Variants in EEF1D observed in about 807,000 individuals in gnomAD.
EEF1D encodes the protein elongation factor 1-delta.
In EEF1D, 47 loss-of-function variants were observed where a neutral mutation model predicts 63.9. The ratio of observed to expected loss-of-function variants is 0.74; its 90% CI spans 0.58 to 0.94. The LOEUF (loss-of-function observed/expected upper bound fraction) is 0.94, where lower values mean the gene tolerates loss of function less well. EEF1D is among the 40% of genes least tolerant of loss of function. The pLI is 0.00. For synonymous variants in EEF1D, 412 were observed against 386.1 expected (o/e 1.07, Z -0.79); for missense variants, 907 against 899.0 (o/e 1.01, Z -0.11).
At chr8:143,588,260 C>T (rs1587175669) in intron 3 of EEF1D, among the ~76,000 whole-genome samples, 1 of 152,308 alleles carries the variant, frequency 6.6e-6, no homozygotes, top group East Asian at 1.9e-4. Flanking sequence ...TTCCCTGACT[C>T]AGCCCGCCCC....
rs746942057 is a variant in EEF1D, at chr8:143,586,789, G to A, written c.1155C>T (p.Asp385=). Residue 385 remains aspartate, a synonymous_variant, in exon 4 of 10, where the codon GAC becomes GAT. Coordinates refer to ENST00000618139, the MANE Select transcript of EEF1D (RefSeq NM_001130053.5). ...EKIWFDKFKY[D]DAERRFYEQM... ...GCTCGTAGAATCTCCTTTCTGCGTC[G>A]TCATATTTGAACTTGTCGAACCAGA... 2.6e-5 allele frequency: 42 copies of A among 1,614,024 alleles called. No homozygotes were observed. The highest frequency in any genetic ancestry group is 5.5e-5 in the South Asian group (5 of 91,090).
Position 143,588,980 on chromosome 8 carries a change from G to T in EEF1D, c.1091+11C>A. The T allele has an allele frequency of 6.3e-7, 1 of 1,592,410 alleles. No homozygotes were observed. Among genetic ancestry groups the T allele is most frequent in the Non-Finnish European group, 8.5e-7 (1 of 1,177,884 alleles). On this transcript the variant is annotated intron_variant, in intron 3 of 9. Coordinates refer to ENST00000618139, the MANE Select transcript of EEF1D (RefSeq NM_001130053.5). ...CCCAGGCTGGGTGCCCACCCAGCAC[G>T]TTTCTCCTACTTGGGTCTCAGGCTG...
Position 143,584,848 on chromosome 8 carries a change from G to C in EEF1D, c.1287+1371C>G, listed in dbSNP as rs573601750. Among the ~76,000 whole-genome samples the C allele has an allele frequency of 3.9e-5, 6 of 152,300 alleles. No individual in the cohort carries two copies. In the South Asian group the frequency reaches 1.2e-3, roughly 32 times the overall value. ...TGGACTGTGAAACTGCCTGGGACTA[G>C]TGACGCCCTGTTTCCTTCTTCTTTT... is the stretch of plus-strand genomic sequence containing the variant. On this transcript the variant is annotated intron_variant, in intron 5 of 9. Coordinates refer to ENST00000618139, the MANE Select transcript of EEF1D (RefSeq NM_001130053.5).
At chr8:143,583,399 T>C (rs11136303) in intron 5 of EEF1D, 123,588 of 152,244 alleles carry the variant, frequency 0.81, 51,528 homozygotes, top group Non-Finnish European at 0.92. Flanking sequence ...TAGGGTTGAC[T>C]CCACACAGCC....
Position 143,580,081 on chromosome 8 carries a change from C to T in EEF1D, c.1836G>A (p.Gln612=). ...VGYGIRKLQI[Q]CVVEDDKVGT... is the part of the protein sequence containing the mutation. ...CCACCTTGTCGTCCTCCACCACACA[C>T]TGAATCTGTAGCTTCCGGATACCGT... Residue 612 remains glutamine (Q), a synonymous_variant, in exon 9 of 10, where the codon CAG becomes CAA. Coordinates refer to ENST00000618139, the MANE Select transcript of EEF1D (RefSeq NM_001130053.5). The T allele has an allele frequency of 2.5e-6, 4 of 1,614,092 alleles. No individual in the cohort carries two copies. In the African/African-American group the frequency reaches 5.3e-5, roughly 22 times the overall value.
Position 143,585,292 on chromosome 8 carries a change from G to A in EEF1D, c.1287+927C>T, listed in dbSNP as rs554966766. 4.6e-5 allele frequency among the ~76,000 whole-genome samples: 7 copies of A among 152,308 alleles called. No homozygotes were observed. The South Asian group carries it at 1.4e-3, about 32-fold the overall frequency. On this transcript the variant is annotated intron_variant, in intron 5 of 9. Transcript: ENST00000618139. ...AGAGCGAGGCAGGAGGTTCGAGAGA[G>A]GCGCGAGATGGAAGTGGAGGCGGGG...
At chr8:143,590,235 A>T in intron 2 of EEF1D, 154 bp from the exon 3 acceptor site, 1 of 1,147,962 alleles carries the variant, frequency 8.7e-7, no homozygotes. Flanking sequence ...CTTCCATGAG[A>T]TGACATTCGA....
chr8:143,580,385 C>G (rs1825202579), intron 8 of EEF1D, 121 bp downstream of exon 8: 2 of 1,334,368 alleles, frequency 1.5e-6, no homozygotes, highest in Non-Finnish European at 2.1e-6. Flanking sequence ...CCCAAGACTT[C>G]TAAACTCGGC....
chr8:143,586,411 A>T, intron 4 of EEF1D, 121 bp from the exon 5 acceptor site: 1 of 1,006,026 alleles, frequency 9.9e-7, no homozygotes, highest in East Asian at 2.7e-5. Context: ...ACTGCACAGA[A>T]CGAGAGCTTG....
At chr8:143,586,327 T>C (rs1310786040) in intron 4 of EEF1D, 37 bp from the exon 5 acceptor site, 3 of 1,473,012 alleles carry the variant, frequency 2.0e-6, no homozygotes, top group Admixed American at 2.6e-5. Flanking sequence ...CTTTTTTTTA[T>C]TATTAAAAAA....
At chr8:143,580,276 C>T (rs1328617246) in intron 8 of EEF1D, 70 bp from the exon 9 acceptor site, 11 of 1,492,852 alleles carry the variant, frequency 7.4e-6, no homozygotes, top group African/African-American at 1.4e-5. Context: ...CTGCATGCAC[C>T]CTACCCTCAA....
At chr8:143,590,121 T>C (rs1827680886) in intron 2 of EEF1D, 40 bp from the exon 3 acceptor site, 3 of 1,597,970 alleles carry the variant, frequency 1.9e-6, no homozygotes, top group African/African-American at 1.3e-5. Context: ...GAGGGCAGAG[T>C]TGCAACACAG....
At position 143,590,498 on chromosome 8, in the gene EEF1D, C is replaced by T. The variant is rs1827768338; in HGVS notation, c.1-417G>A. The T allele has an allele frequency of 4.3e-6, 5 of 1,166,806 alleles. No individual in the cohort carries two copies. In the East Asian group the frequency reaches 1.4e-4, roughly 32 times the overall value. The allele number at this position is 1,166,806 out of a possible 1,614,324, so 72.3% of individuals were successfully genotyped here. On this transcript the variant is annotated intron_variant, in intron 2 of 9. Coordinates refer to ENST00000618139, the MANE Select transcript of EEF1D (RefSeq NM_001130053.5). ...GCTTTCCCTGCATTTTTCCACAGGC[C>T]AGGCCTGGCCACCCCACCATGGTGG...
At position 143,589,508 on chromosome 8, in the gene EEF1D, G is replaced by A. The variant is rs149531155; in HGVS notation, c.574C>T (p.Arg192Cys). 2,321 of 1,514,182 alleles carry A rather than the reference G, an allele frequency of 1.5e-3. 8 individuals carry two copies. The highest frequency in any genetic ancestry group is 1.9e-3 in the Non-Finnish European group (2,118 of 1,129,038). 93.8% of individuals were successfully genotyped at this position (1,514,182 alleles called of 1,614,324 possible). ...CCTGTGTTGGGAGTCCCCTGCCTGC[G>A]GCTGCCGTCGGGGGCCAGCAACAGG... ...QALLLAPDGS[R>C]RQGTPNTGQQ... Residue 192 changes from arginine to cysteine, a missense_variant, in exon 3 of 10, where the codon CGC (arginine) becomes TGC (cysteine). By Grantham distance (180) the Arg-to-Cys change is radical. Coordinates refer to ENST00000618139, the MANE Select transcript of EEF1D (RefSeq NM_001130053.5).
At chr8:143,579,881 C>CG (rs1250009524) in intron 9 of EEF1D, 51 bp from the exon 10 acceptor site, 1 of 1,537,632 alleles carries the variant, frequency 6.5e-7, no homozygotes, top group Admixed American at 2.0e-5. Flanking sequence ...ACAGCCCACT[C>CG]GGAGCCAGGA....
At chr8:143,588,884 C>T in intron 3 of EEF1D, 107 bp downstream of exon 3, 1 of 1,423,830 alleles carries the variant, frequency 7.0e-7, no homozygotes, top group Non-Finnish European at 9.3e-7. Flanking sequence ...CTCGGGGAGC[C>T]CCCACCCCAG....
At chr8:143,591,975 A>G in intron 2 of EEF1D, 2 of 950,460 alleles carry the variant, frequency 2.1e-6, no homozygotes, top group Non-Finnish European at 2.5e-6. Flanking sequence ...AGTCCCAGCA[A>G]CAAGTTCTAA....
At position 143,580,186 on chromosome 8, in the gene EEF1D, C is replaced by A; in HGVS notation, c.1731G>T (p.Met577Ile). 1 of 1,613,552 alleles carries A rather than the reference C, an allele frequency of 6.2e-7. No individual in the cohort carries two copies. Among genetic ancestry groups the A allele is most frequent in the South Asian group, 1.1e-5 (1 of 91,074 alleles). ...DVKPWDDETD[M>I]AQLEACVRSI... ...AGCGCACACAGGCCTCCAGCTGGGC[C>A]ATGTCCGTCTCATCATCCCACTGTG... Residue 577 changes from methionine to isoleucine, a missense_variant, in exon 9 of 10, where the codon ATG becomes ATT. Physicochemically the swap from Met to Ile is conservative, Grantham distance 10. Coordinates refer to ENST00000618139, the MANE Select transcript of EEF1D (RefSeq NM_001130053.5).
intron 5 of EEF1D, chr8:143,581,881 A>G: frequency 6.4e-6 from 1 of 156,198 alleles, no homozygotes; most frequent in Non-Finnish European, 1.4e-5. Flanking sequence ...ATACTCTGCC[A>G]TAGCTGAGAC....
Sources: allele counts gnomAD v4.1 joint callset (sites outside exome capture counted in the v4.1 genomes callset), GRCh38; gene constraint gnomAD v4.1.1; transcripts MANE v1.5; gene names NCBI Gene and HGNC (gene_info 2026-07-23, HGNC 2026-07-21).